Variants in FNDC3B observed in about 807,000 individuals in gnomAD.
The protein encoded by FNDC3B is fibronectin type III domain-containing protein 3B.
In FNDC3B, 12 loss-of-function variants were observed where a neutral mutation model predicts 151.5. The ratio of observed to expected loss-of-function variants is 0.08; its 90% CI spans 0.05 to 0.13. The LOEUF (loss-of-function observed/expected upper bound fraction) is 0.13, where lower values mean the gene tolerates loss of function less well. Ranked by LOEUF, FNDC3B falls within the 10% of genes least tolerant of loss-of-function variation. The pLI, the probability that FNDC3B is intolerant of heterozygous loss-of-function variation, is 1.00. For synonymous variants in FNDC3B, 528 were observed against 549.0 expected, an observed-to-expected ratio of 0.96 and a Z score of 0.54; for missense variants, 1,214 against 1,505.3, an observed-to-expected ratio of 0.81 and a Z score of 3.20.
chr3:172,271,259 T>A (rs1729185766), intron 6 of FNDC3B, among the ~76,000 whole-genome samples: 1 of 152,254 alleles, frequency 6.6e-6, no homozygotes, highest in Non-Finnish European at 1.5e-5. Context: ...AATTAAAATT[T>A]CACTCAGATA....
intron 6 of FNDC3B, among the ~76,000 whole-genome samples, chr3:172,276,576 G>A (rs1176095575): frequency 6.6e-6 from 1 of 152,040 alleles, no homozygotes; most frequent in Non-Finnish European, 1.5e-5. Context: ...CAGGTAAAAG[G>A]GCATAATGTG....
At chr3:172,104,151 G>A (rs1021017562) in intron 1 of FNDC3B, among the ~76,000 whole-genome samples, 2 of 152,134 alleles carry the variant, frequency 1.3e-5, no homozygotes, top group African/African-American at 4.8e-5. Flanking sequence ...CAGGTTTTTA[G>A]AAGTTTTTTT....
Position 172,112,437 on chromosome 3 carries a change from G to A in FNDC3B, c.-28-15G>A. The A allele has an allele frequency of 7.2e-7, 1 of 1,381,530 alleles. No homozygotes were observed. Among genetic ancestry groups the A allele is most frequent in the Non-Finnish European group, 1.0e-6 (1 of 967,794 alleles). 85.6% of individuals were successfully genotyped at this position (1,381,530 alleles called of 1,614,324 possible). ...GGTTCTGAGTCCTTTTTAAAAAGCG[G>A]CGGTTCTCTTGCAGGAAGCCAGTTG... On this transcript the variant is annotated splice_polypyrimidine_tract_variant and intron_variant, in intron 1 of 25. Transcript: ENST00000415807.
chr3:172,333,705 T>C (rs1251882593), intron 14 of FNDC3B, among the ~76,000 whole-genome samples: 1 of 152,024 alleles, frequency 6.6e-6, no homozygotes, highest in Admixed American at 6.6e-5. Flanking sequence ...CTGTAATAAA[T>C]TGCATTTACA....
chr3:172,307,173 G>T, intron 9 of FNDC3B, 190 bp from the exon 10 acceptor site: 1 of 586,002 alleles, frequency 1.7e-6, no homozygotes, highest in Non-Finnish European at 3.0e-6. Context: ...ACAAATACCT[G>T]TTGGGATGAC....
At chr3:172,288,852 T>A (rs2108830546) in intron 7 of FNDC3B, among the ~76,000 whole-genome samples, 1 of 152,290 alleles carries the variant, frequency 6.6e-6, no homozygotes, top group South Asian at 2.1e-4. Flanking sequence ...ACCCTGCATG[T>A]CTGGTTCTCT....
chr3:172,397,030 T>G (rs960185038), intron 25 of FNDC3B, 134 bp from the exon 26 acceptor site: 60 of 671,602 alleles, frequency 8.9e-5, no homozygotes, highest in Non-Finnish European at 1.2e-4. Flanking sequence ...AGAAGTACAT[T>G]TTTATATCAT....
intron 6 of FNDC3B, among the ~76,000 whole-genome samples, chr3:172,259,779 T>G (rs571650887): frequency 1.3e-5 from 2 of 152,348 alleles, no homozygotes; most frequent in South Asian, 4.1e-4. Context: ...CTCGTATTTT[T>G]GTTGCAATCT....
At chr3:172,066,632 C>T (rs149519239) in intron 1 of FNDC3B, among the ~76,000 whole-genome samples, 7 of 152,294 alleles carry the variant, frequency 4.6e-5, no homozygotes, top group Non-Finnish European at 7.4e-5. Context: ...CCTGGATCTA[C>T]GTGCTGCTGT....
intron 3 of FNDC3B, among the ~76,000 whole-genome samples, chr3:172,205,220 T>A (rs2108697278): frequency 6.6e-6 from 1 of 152,322 alleles, no homozygotes; most frequent in Non-Finnish European, 1.5e-5. Flanking sequence ...TGGGTATTCT[T>A]ATCCAGGACT....
At chr3:172,119,234 G>A (rs1720419735) in intron 2 of FNDC3B, among the ~76,000 whole-genome samples, 1 of 150,282 alleles carries the variant, frequency 6.7e-6, no homozygotes, top group African/African-American at 2.4e-5. Context: ...AGGAGTGACT[G>A]AATAATAGAT....
At chr3:172,269,574 C>CT (rs758449550) in intron 6 of FNDC3B, among the ~76,000 whole-genome samples, 4 of 152,036 alleles carry the variant, frequency 2.6e-5, no homozygotes, top group African/African-American at 7.2e-5. Flanking sequence ...CCAGCCTATT[C>CT]TGGATTCTTC....
In FNDC3B at chr3:172,381,098, G is replaced by A; in HGVS notation, c.3303+5G>A. ...AGAGAATCTGAGTACAAACAGGTAAGAACCAGTGTGCATGGCACATGTGCA... is the reference window on the plus strand; with the variant it reads ...AGAGAATCTGAGTACAAACAGGTAAAAACCAGTGTGCATGGCACATGTGCA... On this transcript the variant is annotated splice_donor_5th_base_variant and intron_variant, in intron 25 of 25. Coordinates refer to ENST00000415807, the MANE Select transcript of FNDC3B (RefSeq NM_022763.4). 1 of 1,613,026 alleles carries A rather than the reference G, an allele frequency of 6.2e-7. No individual in the cohort carries two copies. The highest frequency in any genetic ancestry group is 2.2e-5 in the East Asian group (1 of 44,856).
At chr3:172,182,531 C>G (rs1337374061) in intron 3 of FNDC3B, among the ~76,000 whole-genome samples, 1 of 152,154 alleles carries the variant, frequency 6.6e-6, no homozygotes, top group African/African-American at 2.4e-5. Context: ...GGTAGATACA[C>G]TTTTGCTGGA....
chr3:172,199,191 T>A (rs186112323), intron 3 of FNDC3B, among the ~76,000 whole-genome samples: 1,770 of 148,524 alleles, frequency 0.012, 10 homozygotes, highest in Middle Eastern at 0.028. Flanking sequence ...TTTTTATTTT[T>A]TTTTTTTTGA....
At chr3:172,139,961 G>A (rs958287096) in intron 3 of FNDC3B, among the ~76,000 whole-genome samples, 5 of 152,080 alleles carry the variant, frequency 3.3e-5, no homozygotes, top group Non-Finnish European at 7.4e-5. Flanking sequence ...GTGCCTGTCC[G>A]AAACCCATTT....
chr3:172,347,583 C>G (rs1232078516), intron 21 of FNDC3B, among the ~76,000 whole-genome samples: 2 of 152,206 alleles, frequency 1.3e-5, no homozygotes, highest in Non-Finnish European at 2.9e-5. Flanking sequence ...AGATTCTTCT[C>G]CATTCTGCTT....
chr3:172,130,836 T>C (rs1021831089), intron 2 of FNDC3B, among the ~76,000 whole-genome samples: 11 of 152,174 alleles, frequency 7.2e-5, no homozygotes, highest in Admixed American at 6.5e-5. Context: ...ACATAGAGTC[T>C]TGGCATCCAT....
At chr3:172,053,704 G>A (rs1016221819) in intron 1 of FNDC3B, among the ~76,000 whole-genome samples, 5 of 151,660 alleles carry the variant, frequency 3.3e-5, no homozygotes, top group Non-Finnish European at 7.4e-5. Context: ...CCTGGGAGGC[G>A]GAGGTTGTAG....
Sources: gnomAD v4.1 joint callset for allele counts (sites outside exome capture counted in the v4.1 genomes callset) on GRCh38, gnomAD v4.1.1 for gene constraint, MANE v1.5 for transcripts, NCBI Gene and HGNC (gene_info 2026-07-23, HGNC 2026-07-21) for gene names.